Variants in CARF observed in about 807,000 individuals in gnomAD.
The protein encoded by CARF is calcium-responsive transcription factor.
CARF carries 57 observed loss-of-function variants against 82.0 expected under a neutral mutation model. That is an observed-to-expected ratio of 0.70 (90% CI 0.56 to 0.87). The LOEUF (loss-of-function observed/expected upper bound fraction) is 0.87, where lower values mean the gene tolerates loss of function less well. Among genes scored for constraint, CARF ranks in the 40% least tolerant of loss-of-function variants. The pLI, the probability that CARF is intolerant of heterozygous loss-of-function variation, is 0.00. For synonymous variants in CARF, 268 were observed against 290.1 expected (o/e 0.92, Z 0.77); for missense variants, 771 against 855.8 (o/e 0.90, Z 1.24).
chr2:202,955,947 A>T (rs1189522890), intron 8 of CARF, among the ~76,000 whole-genome samples, 189 bp downstream of exon 8: 1 of 152,184 alleles, frequency 6.6e-6, no homozygotes, highest in Non-Finnish European at 1.5e-5. Flanking sequence ...CAGAGGTTAT[A>T]TATATCTCTT....
At chr2:202,944,922 T>C (rs989721173) in intron 5 of CARF, among the ~76,000 whole-genome samples, 2 of 152,150 alleles carry the variant, frequency 1.3e-5, no homozygotes, top group African/African-American at 4.8e-5. Flanking sequence ...TCTTTGTAAT[T>C]GGATTAAACT....
chr2:202,949,448 C>T lies in CARF; in HGVS notation c.307-3111C>T, dbSNP rs536216826. ...TAGAACTACAGGGGTGTGCCACTGC[C>T]ATCAGCCAAATGGAGCTTTTTAAAG... On this transcript the variant is annotated intron_variant, in intron 5 of 16. Coordinates refer to ENST00000438828, the MANE Select transcript of CARF (RefSeq NM_024744.17). Among the ~76,000 whole-genome samples, 45 of 151,676 alleles carry T rather than the reference C, an allele frequency of 3.0e-4. No individual in the cohort carries two copies. In the East Asian group the frequency reaches 8.1e-3, roughly 27 times the overall value.
At chr2:202,956,103 A>C (rs943946272) in intron 8 of CARF, among the ~76,000 whole-genome samples, 1 of 150,378 alleles carries the variant, frequency 6.6e-6, no homozygotes, top group African/African-American at 2.4e-5. Context: ...TATTATCAGT[A>C]GAAAATTCTT....
intron 1 of CARF, among the ~76,000 whole-genome samples, chr2:202,916,126 G>A (rs1165455130): frequency 3.3e-5 from 5 of 151,166 alleles, no homozygotes; most frequent in Admixed American, 6.6e-5. Flanking sequence ...TAAAAGATGC[G>A]GTAAATTTTA....
At chr2:202,918,352 C>T (rs527466047) in intron 2 of CARF, among the ~76,000 whole-genome samples, 1 of 152,156 alleles carries the variant, frequency 6.6e-6, no homozygotes, top group Admixed American at 6.5e-5. Flanking sequence ...AACCCCGTCT[C>T]TACTAAAATA....
At chr2:202,977,710 T>C (rs1199117802) in intron 14 of CARF, among the ~76,000 whole-genome samples, 2 of 152,312 alleles carry the variant, frequency 1.3e-5, no homozygotes, top group Non-Finnish European at 2.9e-5. Flanking sequence ...TCCAAACTTA[T>C]TTCCACCCTT....
At chr2:202,961,832 T>C (rs189521434) in intron 9 of CARF, 19 of 242,838 alleles carry the variant, frequency 7.8e-5, no homozygotes, top group African/African-American at 4.4e-4. Context: ...AGCTTGTAAC[T>C]CTGGAGTTAC....
chr2:202,976,408 A>G (rs1173381184), intron 13 of CARF, among the ~76,000 whole-genome samples: 3 of 151,978 alleles, frequency 2.0e-5, no homozygotes, highest in African/African-American at 7.2e-5. Flanking sequence ...TCCTGACCTC[A>G]CGTGATCTGC....
At chr2:202,926,790 A>G (rs1190015401) in intron 3 of CARF, among the ~76,000 whole-genome samples, 1 of 152,142 alleles carries the variant, frequency 6.6e-6, no homozygotes, top group Non-Finnish European at 1.5e-5. Flanking sequence ...TTTACGATAC[A>G]TATATCTTGC....
chr2:202,966,438 C>CAG (rs1157329966), intron 9 of CARF, among the ~76,000 whole-genome samples: 4 of 152,212 alleles, frequency 2.6e-5, no homozygotes, highest in African/African-American at 9.6e-5. Context: ...AGGTGGGATG[C>CAG]AGTGGCTCAT....
At chr2:202,973,466 C>T in intron 12 of CARF, 2 of 436,192 alleles carry the variant, frequency 4.6e-6, no homozygotes, top group Non-Finnish European at 9.1e-6. Context: ...TCTTTTGTCT[C>T]CGTGTAAAAT....
intron 3 of CARF, among the ~76,000 whole-genome samples, chr2:202,929,528 A>G (rs1007355359): frequency 1.3e-5 from 2 of 151,854 alleles, no homozygotes; most frequent in African/African-American, 2.4e-5. Flanking sequence ...TTTGTTTTCT[A>G]TTCTCTTCCA....
At chr2:202,967,539 T>G (rs2059604980) in intron 10 of CARF, among the ~76,000 whole-genome samples, 1 of 152,208 alleles carries the variant, frequency 6.6e-6, no homozygotes. Flanking sequence ...TTTTTCATTC[T>G]CAGTGTATCT....
At chr2:202,953,549 C>A (rs2105851725) in intron 6 of CARF, among the ~76,000 whole-genome samples, 1 of 61,266 alleles carries the variant, frequency 1.6e-5, no homozygotes, top group Non-Finnish European at 3.1e-5. Context: ...ATTTGAATCT[C>A]TTTTCCAACC....
chr2:202,974,061 C>T (rs954036157), intron 12 of CARF, among the ~76,000 whole-genome samples: 3 of 152,166 alleles, frequency 2.0e-5, no homozygotes, highest in Non-Finnish European at 4.4e-5. Flanking sequence ...GCACTCCAGC[C>T]TGGGCGACAG....
intron 9 of CARF, among the ~76,000 whole-genome samples, chr2:202,964,904 C>T (rs1487632054): frequency 1.6e-5 from 2 of 128,836 alleles, no homozygotes; most frequent in Admixed American, 7.7e-5. Flanking sequence ...TATATATACA[C>T]ACACACACAT....
chr2:202,981,706 C>A (rs574204317), intron 15 of CARF, 21 bp downstream of exon 15: 148 of 1,600,868 alleles, frequency 9.2e-5, no homozygotes, highest in South Asian at 7.9e-5. Context: ...AGTAAAATAT[C>A]CAAATTTGAG....
chr2:202,928,814 A>G (rs1002448769), intron 3 of CARF, among the ~76,000 whole-genome samples: 1 of 152,072 alleles, frequency 6.6e-6, no homozygotes. Context: ...CAGTGGCTCA[A>G]TCTCGGCTCA....
chr2:202,938,231 T>C (rs1481133476), intron 3 of CARF: 1 of 152,098 alleles, frequency 6.6e-6, no homozygotes, highest in Non-Finnish European at 1.5e-5. Context: ...GATTGTAAAC[T>C]CTCAGTTTTT....
Sources: allele counts gnomAD v4.1 joint callset (sites outside exome capture counted in the v4.1 genomes callset), GRCh38; gene constraint gnomAD v4.1.1; transcripts MANE v1.5; gene names NCBI Gene and HGNC (gene_info 2026-07-23, HGNC 2026-07-21).